The following RNF180 variants were observed in gnomAD, a reference collection of about 807,000 sequenced individuals.
The protein encoded by RNF180 is E3 ubiquitin-protein ligase RNF180.
In RNF180, 38 loss-of-function variants were observed where a neutral mutation model predicts 59.2. That is an observed-to-expected ratio of 0.64 (90% CI 0.50 to 0.84). The LOEUF is 0.84. RNF180 is among the 40% of genes least tolerant of loss of function. RNF180 has a pLI of 0.00. For missense variants in RNF180, 705 were observed against 700.9 expected, an observed-to-expected ratio of 1.01 and a Z score of -0.07; for synonymous variants, 262 against 240.3, an observed-to-expected ratio of 1.09 and a Z score of -0.84.
intron 2 of RNF180, among the ~76,000 whole-genome samples, chr5:64,208,722 A>G (rs1311222508): frequency 6.6e-6 from 1 of 152,022 alleles, no homozygotes; most frequent in Non-Finnish European, 1.5e-5. Context: ...AAACAATGCT[A>G]TAAATTCAAC....
chr5:64,185,049 G>A (rs1006061732), intron 1 of RNF180, among the ~76,000 whole-genome samples: 5 of 152,078 alleles, frequency 3.3e-5, no homozygotes, highest in Admixed American at 6.5e-5. Context: ...TCCCTTACCC[G>A]TTGATGGCAG....
intron 6 of RNF180, among the ~76,000 whole-genome samples, chr5:64,327,337 G>A (rs928895997): frequency 1.3e-5 from 2 of 151,658 alleles, no homozygotes; most frequent in African/African-American, 4.8e-5. Flanking sequence ...GGTTTGGTTT[G>A]TTCTTGCTTT....
At chr5:64,279,050 AG>A (rs1399474232) in intron 5 of RNF180, among the ~76,000 whole-genome samples, 1 of 152,196 alleles carries the variant, frequency 6.6e-6, no homozygotes, top group Non-Finnish European at 1.5e-5. Flanking sequence ...TGACTACTCA[AG>A]GAGAATGTAT....
Position 64,369,977 on chromosome 5 carries a change from A to T in RNF180, c.*163A>T. On this transcript the variant is annotated 3_prime_UTR_variant, in exon 8 of 8. Transcript: ENST00000389100. ...ATGAATTTATTTATTAATGTTTTTC[A>T]TGTAACAAACTAAACTTTATTCAAG... 1 of 487,992 alleles carries T rather than the reference A, an allele frequency of 2.0e-6. No homozygotes were observed. The highest frequency in any genetic ancestry group is 3.4e-5 in the East Asian group (1 of 29,610). The allele number at this position is 487,992 out of a possible 1,614,324, so 30.2% of individuals were successfully genotyped here. A position where few individuals can be genotyped will look rare whatever the true frequency, so the allele number is the denominator to read the frequency against.
chr5:64,309,158 T>G (rs1743625509), intron 5 of RNF180, among the ~76,000 whole-genome samples: 1 of 151,642 alleles, frequency 6.6e-6, no homozygotes, highest in Admixed American at 6.6e-5. Context: ...AGGCAAGGAA[T>G]GTAAAAGGCC....
At chr5:64,263,107 G>A (rs768322991) in intron 5 of RNF180, among the ~76,000 whole-genome samples, 18 of 152,308 alleles carry the variant, frequency 1.2e-4, no homozygotes, top group Admixed American at 2.6e-4. Flanking sequence ...CGGAGAATGA[G>A]TTTCCTTGAA....
At chr5:64,263,704 G>T (rs529807645) in intron 5 of RNF180, among the ~76,000 whole-genome samples, 170 of 151,874 alleles carry the variant, frequency 1.1e-3, no homozygotes, top group African/African-American at 4.0e-3. Context: ...TACTTACTTG[G>T]TTTTTTTAAT....
intron 7 of RNF180, among the ~76,000 whole-genome samples, chr5:64,367,529 A>G (rs887095421): frequency 6.6e-6 from 1 of 151,670 alleles, no homozygotes; most frequent in Non-Finnish European, 1.5e-5. Context: ...TTTCATGTTT[A>G]TCTTTTTAAA....
chr5:64,339,045 T>C (rs1178458496), intron 7 of RNF180, among the ~76,000 whole-genome samples: 1 of 152,108 alleles, frequency 6.6e-6, no homozygotes, highest in East Asian at 1.9e-4. Flanking sequence ...ATTTTTTTTG[T>C]GTCAAATTTG....
chr5:64,200,208 A>G (rs557707175), intron 1 of RNF180, among the ~76,000 whole-genome samples: 3 of 152,300 alleles, frequency 2.0e-5, no homozygotes, highest in African/African-American at 7.2e-5. Context: ...AGGCAGGGGG[A>G]TTGCTTGGAA....
At chr5:64,176,355 C>G (rs1048357499) in intron 1 of RNF180, among the ~76,000 whole-genome samples, 2 of 151,866 alleles carry the variant, frequency 1.3e-5, no homozygotes, top group African/African-American at 4.8e-5. Context: ...CTCCTATCTT[C>G]TTTTTCTTAA....
chr5:64,235,605 C>T (rs188079589), intron 5 of RNF180, among the ~76,000 whole-genome samples: 15 of 151,620 alleles, frequency 9.9e-5, no homozygotes, highest in African/African-American at 1.9e-4. Flanking sequence ...TAGACAACAC[C>T]GTATTGAAGT....
At chr5:64,301,386 T>C (rs547369988) in intron 5 of RNF180, among the ~76,000 whole-genome samples, 1 of 151,774 alleles carries the variant, frequency 6.6e-6, no homozygotes, top group Non-Finnish European at 1.5e-5. Flanking sequence ...CTTCCAATGA[T>C]CTTACTTTCA....
At chr5:64,359,975 G>A (rs555216565) in intron 7 of RNF180, among the ~76,000 whole-genome samples, 1 of 152,036 alleles carries the variant, frequency 6.6e-6, no homozygotes, top group Admixed American at 6.6e-5. Context: ...TGAGGGCTCT[G>A]TTCTGTTCCA....
At chr5:64,328,279 C>T (rs1421070576) in intron 6 of RNF180, among the ~76,000 whole-genome samples, 1 of 152,108 alleles carries the variant, frequency 6.6e-6, no homozygotes, top group Admixed American at 6.5e-5. Context: ...AGAAAAAGAC[C>T]AGTATTACTG....
At chr5:64,185,731 G>T (rs531047998) in intron 1 of RNF180, among the ~76,000 whole-genome samples, 31 of 152,282 alleles carry the variant, frequency 2.0e-4, no homozygotes, top group African/African-American at 7.5e-4. Context: ...GGTATTGAGG[G>T]GGACTACAAA....
intron 7 of RNF180, among the ~76,000 whole-genome samples, chr5:64,337,122 T>G (rs2112554506): frequency 6.6e-6 from 1 of 152,016 alleles, no homozygotes; most frequent in Non-Finnish European, 1.5e-5. Flanking sequence ...CAGGCAATTC[T>G]CCCACCTCAG....
At chr5:64,286,780 C>G (rs1015557455) in intron 5 of RNF180, among the ~76,000 whole-genome samples, 2 of 152,090 alleles carry the variant, frequency 1.3e-5, no homozygotes. Context: ...ACAAGAAATA[C>G]AGCAGAGAAC....
chr5:64,267,134 G>T (rs539350099), intron 5 of RNF180, among the ~76,000 whole-genome samples: 2 of 152,028 alleles, frequency 1.3e-5, no homozygotes, highest in African/African-American at 2.4e-5. Context: ...TGATCCTAAG[G>T]GTTCTATTAA....
Sources: allele counts gnomAD v4.1 joint callset (sites outside exome capture counted in the v4.1 genomes callset), GRCh38; gene constraint gnomAD v4.1.1; transcripts MANE v1.5; gene names NCBI Gene and HGNC (gene_info 2026-07-23, HGNC 2026-07-21).